The following GPR137C variants were observed in gnomAD, a reference collection of about 807,000 sequenced individuals.
GPR137C encodes integral membrane protein GPR137C.
In GPR137C, 27 loss-of-function variants were observed where a neutral mutation model predicts 43.4. The observed-to-expected ratio is 0.62, with a 90% CI of 0.46 to 0.86. GPR137C has a LOEUF of 0.86. GPR137C is among the 40% of genes least tolerant of loss of function. The pLI is 0.00. For synonymous variants in GPR137C, 285 were observed against 226.9 expected, an observed-to-expected ratio of 1.26 and a Z score of -2.30; for missense variants, 522 against 534.6, an observed-to-expected ratio of 0.98 and a Z score of 0.23.
chr14:52,588,989 C>A (rs993585280), intron 1 of GPR137C, among the ~76,000 whole-genome samples: 1 of 152,122 alleles, frequency 6.6e-6, no homozygotes, highest in Non-Finnish European at 1.5e-5. Flanking sequence ...ACCTAAGTGT[C>A]CATTGATTGA....
At chr14:52,612,541 C>T (rs1338394285) in intron 3 of GPR137C, 1 of 979,342 alleles carries the variant, frequency 1.0e-6, no homozygotes, top group African/African-American at 1.8e-5. Context: ...ACTCACGTAT[C>T]TTTTATGTTA....
At position 52,600,141 on chromosome 14, in the gene GPR137C, G is replaced by A. The variant is rs1180428890; in HGVS notation, c.517G>A (p.Ala173Thr). ...TCTACTGCATTTGGGCTTTATAATG[G>A]CAAGCCTGCTCTTTTTAGTGGTGAA... ...KILLHLGFIM[A>T]SLLFLVVNLT... The change falls in exon 3 of 7, where the codon GCA (alanine) becomes ACA (threonine). Residue 173 changes from alanine (A) to threonine (T), a missense_variant. Ala to Thr is a moderately conservative substitution (Grantham distance 58). Transcript: ENST00000321662. 1.2e-6 allele frequency: 2 copies of A among 1,613,366 alleles called. No homozygotes were observed. The highest frequency in any genetic ancestry group is 2.7e-5 in the African/African-American group (2 of 74,858).
chr14:52,574,964 G>A (rs935330469), intron 1 of GPR137C, among the ~76,000 whole-genome samples: 3 of 152,254 alleles, frequency 2.0e-5, no homozygotes, highest in South Asian at 2.1e-4. Flanking sequence ...CTTTTTAAAG[G>A]ACAGCATAGT....
chr14:52,587,464 A>C (rs1256553189), intron 1 of GPR137C, among the ~76,000 whole-genome samples: 1 of 152,186 alleles, frequency 6.6e-6, no homozygotes. Context: ...CTATTTGAAG[A>C]GTTGTAAATA....
rs761857890 is a variant in GPR137C at position 52,634,949 on chromosome 14, C to T, written c.1124C>T (p.Ser375Leu). The change falls in exon 7 of 7, where the codon TCG becomes TTG. Residue 375 changes from serine (S) to leucine (L), a missense_variant. By Grantham distance (145) the Ser-to-Leu change is moderately radical (BLOSUM62 -2). This residue lies in a region of GPR137C where 67 missense variants were observed against 69.0 expected (regional missense o/e 0.97). Coordinates refer to ENST00000321662, the MANE Select transcript of GPR137C (RefSeq NM_001099652.2). The stretch of plus-strand genomic sequence containing the variant: ...TTTTTTTGTTGCAGTTTACCAAATT[C>T]GCAAAGTTTGGGCTGGTATGGCACC... ...GSSREGSLPN[S>L]QSLGWYGTMT... The T allele has an allele frequency of 5.6e-6, 9 of 1,611,340 alleles. No homozygotes were observed. The Admixed American group carries it at 6.7e-5, about 12-fold the overall frequency.
chr14:52,621,969 AAAAC>A (rs1368047767), intron 3 of GPR137C, among the ~76,000 whole-genome samples: 1 of 151,922 alleles, frequency 6.6e-6, no homozygotes, highest in Non-Finnish European at 1.5e-5. Context: ...AAATTTTTAT[AAAAC>A]AAAATAATAC....
In GPR137C at chr14:52,633,895, G is replaced by T. The variant is rs749698648; in HGVS notation, c.1061G>T (p.Arg354Leu). The T allele has an allele frequency of 1.2e-6, 2 of 1,612,576 alleles. No homozygotes were observed. Among genetic ancestry groups the T allele is most frequent in the East Asian group, 2.2e-5 (1 of 44,852 alleles). Residue 354 changes from arginine (R) to leucine (L), a missense_variant, in exon 6 of 7, where the codon CGA (arginine) becomes CTA (leucine). By Grantham distance (102) the Arg-to-Leu change is moderately radical. Transcript: ENST00000321662. ...SRAYFFDNPR[R>L]YDSDDDLPRL... ...GCTTACTTTTTCGACAATCCAAGAC[G>T]ATATGATAGTGATGATGACCTGCCA... is the stretch of plus-strand genomic sequence containing the variant.
chr14:52,565,255 A>G (rs538535875), intron 1 of GPR137C, among the ~76,000 whole-genome samples: 48 of 152,330 alleles, frequency 3.2e-4, no homozygotes, highest in African/African-American at 1.1e-3. Flanking sequence ...TTGTGGATCA[A>G]ACCGAAACCA....
intron 1 of GPR137C, among the ~76,000 whole-genome samples, chr14:52,582,221 C>T (rs2038656843): frequency 1.3e-5 from 2 of 152,120 alleles, no homozygotes; most frequent in Admixed American, 6.6e-5. Flanking sequence ...TCTATGGGAT[C>T]TCTCTTATAA....
At chr14:52,562,514 T>C (rs544162971) in intron 1 of GPR137C, among the ~76,000 whole-genome samples, 4 of 152,284 alleles carry the variant, frequency 2.6e-5, no homozygotes, top group African/African-American at 9.6e-5. Flanking sequence ...TCTCAGCTAC[T>C]CAGGAGGCTG....
At chr14:52,602,506 C>A (rs1429893144) in intron 3 of GPR137C, among the ~76,000 whole-genome samples, 1 of 152,074 alleles carries the variant, frequency 6.6e-6, no homozygotes, top group Non-Finnish European at 1.5e-5. Flanking sequence ...TTTGTCTCAA[C>A]CAATCTTACC....
chr14:52,607,722 A>G (rs553114538), intron 3 of GPR137C, among the ~76,000 whole-genome samples: 1 of 152,204 alleles, frequency 6.6e-6, no homozygotes, highest in African/African-American at 2.4e-5. Flanking sequence ...TAAAAATACA[A>G]AAATTAGCTG....
chr14:52,601,853 G>A (rs2038929947), intron 3 of GPR137C, among the ~76,000 whole-genome samples: 1 of 151,772 alleles, frequency 6.6e-6, no homozygotes, highest in East Asian at 1.9e-4. Flanking sequence ...TACTCGCTTT[G>A]AAATAGATAA....
rs556676068 is a variant in GPR137C, at chr14:52,578,435, A to G, written c.445-19837A>G. Among the ~76,000 whole-genome samples the G allele has an allele frequency of 3.2e-4, 48 of 152,100 alleles. 1 individual carries two copies. The highest frequency in any genetic ancestry group is 1.8e-3 in the Admixed American group (27 of 15,288). On this transcript the variant is annotated intron_variant, in intron 1 of 6. Coordinates refer to ENST00000321662, the MANE Select transcript of GPR137C (RefSeq NM_001099652.2). ...TTGACTTTTTAAAATTTCTACTAGC[A>G]TTTGTAATTCCCTTCCATAAGCTCC...
At position 52,636,933 on chromosome 14, in the gene GPR137C, C is replaced by T. The variant is rs1355137325; in HGVS notation, c.*1818C>T. On this transcript the variant is annotated 3_prime_UTR_variant, in exon 7 of 7. Coordinates refer to ENST00000321662, the MANE Select transcript of GPR137C (RefSeq NM_001099652.2). ...TGTTTATTTTGCTAATAATGTTAGG[C>T]ATCTAATCATCTAGAGCTGTCCAAA... is the stretch of plus-strand genomic sequence containing the variant. The T allele has an allele frequency of 6.6e-6, 1 of 152,128 alleles. No homozygotes were observed. Among genetic ancestry groups the T allele is most frequent in the African/African-American group, 2.4e-5 (1 of 41,444 alleles). 9.4% of individuals were successfully genotyped at this position (152,128 alleles called of 1,614,324 possible). A position where few individuals can be genotyped will look rare whatever the true frequency, so the allele number is the denominator to read the frequency against.
At chr14:52,592,514 T>C (rs1225180250) in intron 1 of GPR137C, among the ~76,000 whole-genome samples, 1 of 152,202 alleles carries the variant, frequency 6.6e-6, no homozygotes, top group Non-Finnish European at 1.5e-5. Flanking sequence ...CATTGAGCAG[T>C]GGTTTGTAGT....
intron 3 of GPR137C, among the ~76,000 whole-genome samples, chr14:52,620,043 CT>C (rs1459798012): frequency 6.6e-6 from 1 of 152,068 alleles, no homozygotes; most frequent in Non-Finnish European, 1.5e-5. Context: ...TAAAAAAGCA[CT>C]GAAGGCAATG....
At chr14:52,627,287 G>A (rs2039239072) in intron 3 of GPR137C, among the ~76,000 whole-genome samples, 2 of 152,112 alleles carry the variant, frequency 1.3e-5, no homozygotes, top group Non-Finnish European at 2.9e-5. Flanking sequence ...TAGCTAACTG[G>A]GGAGCTGAGG....
chr14:52,563,761 C>A (rs1440742976), intron 1 of GPR137C, among the ~76,000 whole-genome samples: 1 of 152,064 alleles, frequency 6.6e-6, no homozygotes, highest in African/African-American at 2.4e-5. Context: ...TATTCTTTCT[C>A]CCTCATTACG....
Sources: gnomAD v4.1 joint callset for allele counts (sites outside exome capture counted in the v4.1 genomes callset) on GRCh38, gnomAD v4.1.1 for gene constraint, gnomAD v4.1.1 regional missense constraint, MANE v1.5 for transcripts, NCBI Gene and HGNC (gene_info 2026-07-23, HGNC 2026-07-21) for gene names.